ANKRD12: variants seen among roughly 807,000 people sequenced by gnomAD.
The protein encoded by ANKRD12 is ankyrin repeat domain 12, also known as ankyrin repeat domain-containing protein 12.
Under a neutral mutation model 183.4 loss-of-function variants are expected in ANKRD12, and 85 were observed. That is an observed-to-expected ratio of 0.46 (90% CI 0.39 to 0.56). ANKRD12 has a LOEUF of 0.56. Among genes scored for constraint, ANKRD12 ranks in the 20% least tolerant of loss-of-function variants. The probability of loss-of-function intolerance (pLI) is 0.00; values close to 1 mark genes in which losing one functional copy is unlikely to be tolerated. For synonymous variants in ANKRD12, 914 were observed against 800.2 expected, an observed-to-expected ratio of 1.14 and a Z score of -2.40; for missense variants, 2,405 against 2,357.1, an observed-to-expected ratio of 1.02 and a Z score of -0.42.
At chr18:9,187,169 A>T (rs73392384) in intron 2 of ANKRD12, among the ~76,000 whole-genome samples, 1 of 152,072 alleles carries the variant, frequency 6.6e-6, no homozygotes, top group Non-Finnish European at 1.5e-5. Flanking sequence ...GCTCATGCCT[A>T]TAATGTGTGC....
chr18:9,214,731 T>C (rs2035997582), intron 6 of ANKRD12, among the ~76,000 whole-genome samples: 1 of 152,106 alleles, frequency 6.6e-6, no homozygotes. Context: ...TTACCTGCCA[T>C]TTGAAGATGA....
At chr18:9,249,648 T>TA (rs1372022987) in intron 8 of ANKRD12, 1 of 152,202 alleles carries the variant, frequency 6.6e-6, no homozygotes, top group East Asian at 1.9e-4. Flanking sequence ...TACATTTTTT[T>TA]AAAAGGCTAG....
intron 10 of ANKRD12, among the ~76,000 whole-genome samples, chr18:9,271,471 A>G (rs1042785923): frequency 7.2e-5 from 11 of 152,044 alleles, no homozygotes; most frequent in African/African-American, 2.7e-4. Context: ...GTGAGCCGAG[A>G]TCATGCCACT....
intron 8 of ANKRD12, among the ~76,000 whole-genome samples, chr18:9,229,306 ATTG>A (rs1261395588): frequency 6.6e-6 from 1 of 152,044 alleles, no homozygotes; most frequent in Non-Finnish European, 1.5e-5. Context: ...ATGTTTATGG[ATTG>A]TTTTTTCTAT....
intron 8 of ANKRD12, chr18:9,235,593 T>C (rs1403197388): frequency 2.2e-6 from 1 of 456,230 alleles, no homozygotes; most frequent in Admixed American, 2.3e-5. Context: ...GTACTCCTGC[T>C]ATGGCCTTAT....
At chr18:9,212,168 A>G (rs561005718) in intron 6 of ANKRD12, among the ~76,000 whole-genome samples, 1 of 152,114 alleles carries the variant, frequency 6.6e-6, no homozygotes, top group African/African-American at 2.4e-5. Flanking sequence ...TATTACTTTC[A>G]TTTTCATTAT....
chr18:9,269,110 G>A (rs1307261067), intron 10 of ANKRD12, among the ~76,000 whole-genome samples: 1 of 152,138 alleles, frequency 6.6e-6, no homozygotes, highest in Non-Finnish European at 1.5e-5. Context: ...ACTGCTCAAT[G>A]AAATAAAAGA....
chr18:9,139,371 T>A (rs1180019339), intron 1 of ANKRD12, among the ~76,000 whole-genome samples: 1 of 152,200 alleles, frequency 6.6e-6, no homozygotes, highest in Admixed American at 6.5e-5. Context: ...GATACTCTTT[T>A]GAAGTAGATT....
intron 1 of ANKRD12, among the ~76,000 whole-genome samples, chr18:9,139,044 A>T (rs894172021): frequency 6.6e-6 from 1 of 152,226 alleles, no homozygotes; most frequent in East Asian, 1.9e-4. Context: ...CATAATTTTC[A>T]TAGTAGTTGG....
Position 9,258,280 on chromosome 18 carries a change from T to C in ANKRD12, c.5013T>C (p.His1671=). 1 of 1,613,686 alleles carries C rather than the reference T, an allele frequency of 6.2e-7. No homozygotes were observed. The highest frequency in any genetic ancestry group is 8.5e-7 in the Non-Finnish European group (1 of 1,179,904). The change falls in exon 9 of 13, where the codon CAT becomes CAC. Residue 1671 remains histidine, a synonymous_variant. Coordinates refer to ENST00000262126, the MANE Select transcript of ANKRD12 (RefSeq NM_015208.5). ...ACCTAAATGAACAAGATCCAAAACA[T>C]TGTCCTGAAAGTGAAAAGTGTTTGC... ...KGNLNEQDPK[H]CPESEKCLLS... is the part of the protein sequence containing the mutation.
chr18:9,208,476 T>C (rs902323367), intron 4 of ANKRD12, among the ~76,000 whole-genome samples, 181 bp from the exon 5 acceptor site: 2 of 151,980 alleles, frequency 1.3e-5, no homozygotes, highest in African/African-American at 4.8e-5. Context: ...TTCAAAGCAG[T>C]CAGGAAGAAA....
rs1489692011 is a variant in ANKRD12 at position 9,256,750 on chromosome 18, T to A, written c.3483T>A (p.Ser1161Arg). 6.2e-7 allele frequency: 1 copy of A among 1,613,710 alleles called. No individual in the cohort carries two copies. Among genetic ancestry groups the A allele is most frequent in the Middle Eastern group, 1.7e-4 (1 of 6,056 alleles). Residue 1161 changes from serine to arginine, a missense_variant, in exon 9 of 13, where the codon AGT becomes AGA. Around this residue, in one of 7 missense-constraint regions of ANKRD12, gnomAD observed 1,983 missense variants for 1,725.9 expected, o/e 1.15. Coordinates refer to ENST00000262126, the MANE Select transcript of ANKRD12 (RefSeq NM_015208.5). ...TKEKQPKDAV[S>R]NRSQSVDTKN... ...AGAAACAACCTAAAGATGCTGTAAG[T>A]AACAGATCACAATCTGTTGACACCA...
intron 9 of ANKRD12, among the ~76,000 whole-genome samples, chr18:9,263,489 C>T (rs1044586380): frequency 1.3e-5 from 2 of 152,084 alleles, no homozygotes; most frequent in Admixed American, 6.5e-5. Context: ...CTCCTCCTTC[C>T]CTCCTTGTCT....
chr18:9,195,512 A>G, intron 2 of ANKRD12, 39 bp from the exon 3 acceptor site: 1 of 1,489,906 alleles, frequency 6.7e-7, no homozygotes, highest in Non-Finnish European at 9.0e-7. Context: ...TTGCTTAGCT[A>G]ATATTGATAT....
chr18:9,175,971 A>G (rs1205985407), intron 1 of ANKRD12, among the ~76,000 whole-genome samples: 1 of 152,206 alleles, frequency 6.6e-6, no homozygotes, highest in Admixed American at 6.5e-5. Flanking sequence ...TGAACAGTCA[A>G]TTTAGTTATT....
intron 8 of ANKRD12, among the ~76,000 whole-genome samples, chr18:9,232,121 CT>C (rs1404317362): frequency 2.0e-5 from 3 of 151,996 alleles, no homozygotes; most frequent in African/African-American, 7.3e-5. Context: ...TTCTTTGTTC[CT>C]TTTTGTCTTG....
intron 9 of ANKRD12, chr18:9,260,493 A>G (rs888621894): frequency 3.3e-5 from 5 of 152,228 alleles, no homozygotes; most frequent in African/African-American, 1.2e-4. Flanking sequence ...ACTGCAGGTC[A>G]AATCTCCAAA....
chr18:9,277,101 A>G (rs1157074825), intron 11 of ANKRD12, among the ~76,000 whole-genome samples: 1 of 152,166 alleles, frequency 6.6e-6, no homozygotes, highest in African/African-American at 2.4e-5. Context: ...GGTTGAGTAA[A>G]TATATACATA....
At chr18:9,168,445 TG>T (rs1238057577) in intron 1 of ANKRD12, among the ~76,000 whole-genome samples, 1 of 152,232 alleles carries the variant, frequency 6.6e-6, no homozygotes, top group Non-Finnish European at 1.5e-5. Flanking sequence ...GATTTAGTCT[TG>T]GGAGGATGTA....
Sources: gnomAD v4.1 joint callset for allele counts (sites outside exome capture counted in the v4.1 genomes callset) on GRCh38, gnomAD v4.1.1 for gene constraint, gnomAD v4.1.1 regional missense constraint, MANE v1.5 for transcripts, NCBI Gene and HGNC (gene_info 2026-07-23, HGNC 2026-07-21) for gene names.